UNC80: variants seen among roughly 807,000 people sequenced by gnomAD.
UNC80 encodes the protein protein unc-80 homolog.
A neutral mutation model predicts 384.6 loss-of-function variants in UNC80; 164 were observed. The ratio of observed to expected loss-of-function variants is 0.43; its 90% CI spans 0.38 to 0.49. The LOEUF (loss-of-function observed/expected upper bound fraction) is 0.49. Ranked by LOEUF, UNC80 falls within the 20% of genes least tolerant of loss-of-function variation. The pLI, the probability that UNC80 is intolerant of heterozygous loss-of-function variation, is 0.00. For missense variants in UNC80, 3,330 were observed against 4,143.0 expected, an observed-to-expected ratio of 0.80 and a Z score of 5.39; for synonymous variants, 1,486 against 1,527.8, an observed-to-expected ratio of 0.97 and a Z score of 0.64.
chr2:209,814,543 G>A (rs1406742753), intron 8 of UNC80, among the ~76,000 whole-genome samples: 2 of 152,118 alleles, frequency 1.3e-5, no homozygotes, highest in African/African-American at 4.8e-5. Context: ...ACCGCGCCTG[G>A]CCAACATTTT....
intron 18 of UNC80, among the ~76,000 whole-genome samples, chr2:209,835,678 T>C (rs773354617): frequency 6.6e-6 from 1 of 152,222 alleles, no homozygotes; most frequent in Non-Finnish European, 1.5e-5. Context: ...ACAAGTGGAG[T>C]GTAAACATGT....
At chr2:209,864,043 T>C (rs1397958988) in intron 22 of UNC80, among the ~76,000 whole-genome samples, 14 of 151,968 alleles carry the variant, frequency 9.2e-5, no homozygotes, top group Non-Finnish European at 1.9e-4. Flanking sequence ...TTGTTGTTGA[T>C]GATGATGCTG....
chr2:209,788,540 TATA>T lies in UNC80; in HGVS notation c.725-985_725-983del, dbSNP rs200166516. ...ACTATACATACTACATACTAGTATA[TATA>T]ATAATATATACTATAAAATATATTA... On this transcript the variant is annotated intron_variant, in intron 5 of 64. Coordinates refer to ENST00000673920, the MANE Select transcript of UNC80 (RefSeq NM_001371986.1). 7.3e-4 allele frequency among the ~76,000 whole-genome samples: 108 copies of T among 147,906 alleles called. 1 individual carries two copies. In the East Asian group the frequency reaches 0.016, roughly 22 times the overall value.
chr2:209,935,928 A>T, intron 40 of UNC80, 120 bp downstream of exon 40: 1 of 609,846 alleles, frequency 1.6e-6, no homozygotes, highest in Non-Finnish European at 2.8e-6. Context: ...GCATTTCTTT[A>T]CTCTTCTAAA....
intron 29 of UNC80, 116 bp downstream of exon 29, chr2:209,905,081 G>A (rs2088022398): frequency 1.9e-6 from 2 of 1,057,698 alleles, no homozygotes; most frequent in African/African-American, 1.6e-5. Flanking sequence ...AGGTCTGTGT[G>A]CATCTAAACA....
rs1329804266 is a variant in UNC80, at chr2:209,917,762, G to A, written c.5030-15G>A. On this transcript the variant is annotated splice_polypyrimidine_tract_variant and intron_variant, in intron 31 of 64. Transcript: ENST00000673920. ...ATTTTAAAAGCATAGCTGATGAATT[G>A]TTGACTGTCTCTAGCTGCCATGTTC... is the stretch of plus-strand genomic sequence containing the variant. The A allele has an allele frequency of 1.9e-6, 3 of 1,551,594 alleles. No individual in the cohort carries two copies. Among genetic ancestry groups the A allele is most frequent in the African/African-American group, 1.4e-5 (1 of 73,154 alleles).
intron 14 of UNC80, among the ~76,000 whole-genome samples, chr2:209,827,592 T>G (rs1349635087): frequency 6.6e-6 from 1 of 152,174 alleles, no homozygotes; most frequent in Admixed American, 6.5e-5. Flanking sequence ...TCTCCTTCTG[T>G]TTAATGCTCA....
At chr2:209,865,991 CT>C (rs1304934789) in intron 22 of UNC80, among the ~76,000 whole-genome samples, 1 of 152,116 alleles carries the variant, frequency 6.6e-6, no homozygotes, top group African/African-American at 2.4e-5. Context: ...GTAATCTGCC[CT>C]CCTCCCACTG....
chr2:209,978,420 A>C, intron 58 of UNC80, 109 bp from the exon 59 acceptor site: 2 of 920,970 alleles, frequency 2.2e-6, no homozygotes, highest in South Asian at 2.5e-5. Context: ...TGTCTGGGAC[A>C]CATTATTTAA....
chr2:209,939,147 A>G (rs1467829646), intron 42 of UNC80, among the ~76,000 whole-genome samples: 3 of 152,178 alleles, frequency 2.0e-5, no homozygotes, highest in Non-Finnish European at 2.9e-5. Context: ...AAGGTCTTCC[A>G]TATTATAGCA....
At chr2:209,834,422 ATAGCTCT>A in intron 17 of UNC80, among the ~76,000 whole-genome samples, 1 of 152,342 alleles carries the variant, frequency 6.6e-6, no homozygotes, top group South Asian at 2.1e-4. Flanking sequence ...ACTACACGTC[ATAGCTCT>A]TAATTAAATG....
chr2:209,949,404 TC>T (rs1040488694), intron 47 of UNC80, among the ~76,000 whole-genome samples: 2 of 152,196 alleles, frequency 1.3e-5, no homozygotes, highest in African/African-American at 4.8e-5. Context: ...GGCTATAGTA[TC>T]AAGGATATGA....
At chr2:209,964,525 A>C (rs1254913324) in intron 51 of UNC80, among the ~76,000 whole-genome samples, 3 of 152,184 alleles carry the variant, frequency 2.0e-5, no homozygotes, top group Non-Finnish European at 4.4e-5. Flanking sequence ...GCGGTTGTTC[A>C]CGCCTGTAAT....
chr2:209,794,838 C>T (rs1162167213), intron 7 of UNC80: 1 of 451,794 alleles, frequency 2.2e-6, no homozygotes, highest in Non-Finnish European at 4.5e-6. Flanking sequence ...CCTTCTCAGC[C>T]ATGTGGAACT....
At chr2:209,952,673 G>A (rs2092239937) in intron 47 of UNC80, among the ~76,000 whole-genome samples, 1 of 152,212 alleles carries the variant, frequency 6.6e-6, no homozygotes, top group Non-Finnish European at 1.5e-5. Context: ...TCTCCCAGAA[G>A]TCTGGTACCT....
chr2:209,943,951 C>T, intron 45 of UNC80, among the ~76,000 whole-genome samples: 1 of 152,118 alleles, frequency 6.6e-6, no homozygotes, highest in East Asian at 1.9e-4. Flanking sequence ...GGCTGGCTTC[C>T]TGAGCTGGTT....
At position 209,816,663 on chromosome 2, in the gene UNC80, T is replaced by G. The variant is rs576331791; in HGVS notation, c.1336-246T>G. Among the ~76,000 whole-genome samples the G allele has an allele frequency of 4.7e-4, 71 of 152,208 alleles. 2 individuals carry two copies. Among genetic ancestry groups the G allele is most frequent in the Non-Finnish European group, 8.8e-4 (60 of 68,036 alleles). On this transcript the variant is annotated intron_variant, in intron 9 of 64. Coordinates refer to ENST00000673920, the MANE Select transcript of UNC80 (RefSeq NM_001371986.1). ...TGCTGCTGGTCCAGGGACCACACTT[T>G]GCAAACCACTAGTCTAACCAAACCC...
intron 11 of UNC80, 65 bp downstream of exon 11, chr2:209,818,017 C>T: frequency 1.3e-6 from 2 of 1,508,208 alleles, no homozygotes; most frequent in Non-Finnish European, 8.9e-7. Flanking sequence ...TGTCCTTACA[C>T]CATGTTACTT....
At position 209,933,893 on chromosome 2, in the gene UNC80, A is replaced by G. The variant is rs1249475229; in HGVS notation, c.6066A>G (p.Thr2022=). ...TGGATGCCATTTCAGCCACCCTGACATTCCTGTGGGAGGTGGTGGGTTACG... is the reference window on the plus strand; with the variant it reads ...TGGATGCCATTTCAGCCACCCTGACGTTCCTGTGGGAGGTGGTGGGTTACG... The part of the protein sequence containing the change: ...WGMDAISATL[T]FLWEVVGYVE... The change falls in exon 39 of 65, where the codon ACA becomes ACG. Residue 2022 remains threonine (T), a synonymous_variant. Coordinates refer to ENST00000673920, the MANE Select transcript of UNC80 (RefSeq NM_001371986.1). 3.2e-6 allele frequency: 5 copies of G among 1,551,228 alleles called. No homozygotes were observed. In the East Asian group the frequency reaches 7.3e-5, roughly 23 times the overall value.
Sources: gnomAD v4.1 joint callset for allele counts (sites outside exome capture counted in the v4.1 genomes callset) on GRCh38, gnomAD v4.1.1 for gene constraint, MANE v1.5 for transcripts, NCBI Gene and HGNC (gene_info 2026-07-23, HGNC 2026-07-21) for gene names.